GARIN2: variants seen among roughly 807,000 people sequenced by gnomAD.
The protein encoded by GARIN2 is Golgi-associated RAB2 interactor protein 2.
At chr14:67,195,713 TTGTGTGTGTGTGTG>T in the GARIN2 span, among the ~76,000 whole-genome samples, 11 of 143,228 alleles carry the variant, frequency 7.7e-5, no homozygotes, top group African/African-American at 1.5e-4. Context: ...TTCTTTTTGG[TTGTGTGTGTGTGTG>T]TGTGTGTGTG....
the GARIN2 span, among the ~76,000 whole-genome samples, chr14:67,190,939 A>G: frequency 6.6e-6 from 1 of 152,242 alleles, no homozygotes; most frequent in Non-Finnish European, 1.5e-5. Flanking sequence ...CTGTCATTTA[A>G]GAGCTATCAT....
At chr14:67,208,102 C>G in the GARIN2 span, 1 of 1,502,518 alleles carries the variant, frequency 6.7e-7, no homozygotes, top group African/African-American at 1.4e-5. Flanking sequence ...TGCTCAGTGA[C>G]GATGAATGAA....
chr14:67,217,684 A>G, the GARIN2 span, among the ~76,000 whole-genome samples: 3 of 152,122 alleles, frequency 2.0e-5, no homozygotes, highest in Non-Finnish European at 4.4e-5. Flanking sequence ...CAATCTAGTG[A>G]TGATGAATTT....
chr14:67,213,427 T>C, the GARIN2 span, among the ~76,000 whole-genome samples: 2 of 147,324 alleles, frequency 1.4e-5, no homozygotes, highest in Admixed American at 6.8e-5. Flanking sequence ...TGGTTTTTTG[T>C]TCTTGCGATA....
the GARIN2 span, chr14:67,196,886 T>C: frequency 6.6e-6 from 1 of 152,142 alleles, no homozygotes; most frequent in African/African-American, 2.4e-5. Context: ...GAAATAACAG[T>C]AAGGTTTAGA....
At chr14:67,189,926 T>G in the GARIN2 span, among the ~76,000 whole-genome samples, 2 of 146,020 alleles carry the variant, frequency 1.4e-5, no homozygotes, top group African/African-American at 5.1e-5. Context: ...CCACAACCTC[T>G]GCCTCCTGGG....
At chr14:67,191,823 C>G in the GARIN2 span, among the ~76,000 whole-genome samples, 1 of 152,172 alleles carries the variant, frequency 6.6e-6, no homozygotes, top group Admixed American at 6.5e-5. Context: ...GATCTGTAAT[C>G]AGATTTAATA....
chr14:67,200,188 C>A, the GARIN2 span: 2 of 1,150,648 alleles, frequency 1.7e-6, no homozygotes, highest in Non-Finnish European at 2.4e-6. Flanking sequence ...GCGTGGACTT[C>A]CTCCACTGAT....
At chr14:67,219,932 T>C in the GARIN2 span, among the ~76,000 whole-genome samples, 3 of 152,300 alleles carry the variant, frequency 2.0e-5, no homozygotes, top group African/African-American at 7.2e-5. Flanking sequence ...GGAACATAAT[T>C]ACTAGCTAGA....
At chr14:67,198,429 GT>G in the GARIN2 span, 5 of 1,019,248 alleles carry the variant, frequency 4.9e-6, no homozygotes, top group Middle Eastern at 3.1e-4. Flanking sequence ...GAGGGAATGT[GT>G]GATACTACAA....
chr14:67,190,700 G>A, the GARIN2 span, among the ~76,000 whole-genome samples: 3 of 152,172 alleles, frequency 2.0e-5, no homozygotes, highest in Non-Finnish European at 2.9e-5. Flanking sequence ...TGGGCATGGG[G>A]ATATCATTTT....
At chr14:67,199,760 C>T in the GARIN2 span, 3 of 1,546,410 alleles carry the variant, frequency 1.9e-6, no homozygotes, top group East Asian at 6.7e-5. Context: ...TGGGCTTCCT[C>T]CACCAGGCAT....
At chr14:67,197,614 A>T in the GARIN2 span, among the ~76,000 whole-genome samples, 1 of 152,180 alleles carries the variant, frequency 6.6e-6, no homozygotes, top group African/African-American at 2.4e-5. Flanking sequence ...GGAGCGCGCA[A>T]CCAAGAGCTA....
At chr14:67,214,278 T>C in the GARIN2 span, among the ~76,000 whole-genome samples, 5 of 152,078 alleles carry the variant, frequency 3.3e-5, no homozygotes, top group African/African-American at 7.2e-5. Context: ...AGGTTTTCTT[T>C]TAGGGTTTTT....
At chr14:67,215,857 A>C in the GARIN2 span, among the ~76,000 whole-genome samples, 3 of 152,190 alleles carry the variant, frequency 2.0e-5, no homozygotes, top group African/African-American at 7.2e-5. Flanking sequence ...ACACTTCAAA[A>C]TCATACCACA....
At chr14:67,203,131 G>C in the GARIN2 span, 1 of 1,613,488 alleles carries the variant, frequency 6.2e-7, no homozygotes, top group Non-Finnish European at 8.5e-7. Context: ...CTTCATAACC[G>C]AGCCAACTGG....
chr14:67,204,946 G>A, the GARIN2 span: 1 of 1,609,908 alleles, frequency 6.2e-7, no homozygotes, highest in African/African-American at 1.3e-5. Context: ...GGTCCCAGAG[G>A]TCCCGGATGT....
chr14:67,223,351 G>C, the GARIN2 span, among the ~76,000 whole-genome samples: 1 of 152,210 alleles, frequency 6.6e-6, no homozygotes, highest in African/African-American at 2.4e-5. Flanking sequence ...CTGTAATGTG[G>C]TTAGGCCTAT....
chr14:67,225,971 G>A, the GARIN2 span, among the ~76,000 whole-genome samples: 31 of 145,666 alleles, frequency 2.1e-4, no homozygotes, highest in Non-Finnish European at 3.0e-4. Context: ...GTGCGCGCGC[G>A]CGCGTGCGCA....
Sources: gnomAD v4.1 joint callset for allele counts (sites outside exome capture counted in the v4.1 genomes callset) on GRCh38, gnomAD v4.1.1 for gene constraint, MANE v1.5 for transcripts, NCBI Gene and HGNC (gene_info 2026-07-23, HGNC 2026-07-21) for gene names.